DYRK4: variants seen among roughly 807,000 people sequenced by gnomAD.
DYRK4 encodes the protein dual specificity tyrosine-phosphorylation-regulated kinase 4.
A neutral mutation model predicts 68.3 loss-of-function variants in DYRK4; 64 were observed. The observed-to-expected ratio is 0.94, with a 90% CI of 0.77 to 1.15. The LOEUF is 1.15. Ranked by LOEUF, DYRK4 falls within the 50% of genes most tolerant of loss-of-function variation. The pLI, the probability that DYRK4 is intolerant of heterozygous loss-of-function variation, is 0.00. For synonymous variants in DYRK4, 274 were observed against 289.9 expected (o/e 0.95, Z 0.56); for missense variants, 740 against 764.7 (o/e 0.97, Z 0.38).
Position 4,562,261 on chromosome 12 carries a change from C to G in DYRK4, c.16C>G (p.Pro6Ala), listed in dbSNP as rs1023843685. 8 of 1,533,004 alleles carry G rather than the reference C, an allele frequency of 5.2e-6. No homozygotes were observed. The highest frequency in any genetic ancestry group is 7.0e-6 in the Non-Finnish European group (8 of 1,145,600). The allele number at this position is 1,533,004 out of a possible 1,614,324, so 95.0% of individuals were successfully genotyped here. A position where few individuals can be genotyped will look rare whatever the true frequency, so the allele number is the denominator to read the frequency against. Reference sequence around the variant, plus strand: ...CGCCGGCCTCATGCAGCTCCTCCCGCCGCCTATCCGCACCGGAACAAAGTA... The same window carrying G: ...CGCCGGCCTCATGCAGCTCCTCCCGGCGCCTATCCGCACCGGAACAAAGTA... MQLLP[P>A]PIRTGTKTQM... The change falls in exon 1 of 15, where the codon CCG (proline) becomes GCG (alanine). Residue 6 changes from proline (P) to alanine (A), a missense_variant. Physicochemically the swap from Pro to Ala is conservative, Grantham distance 27. Coordinates refer to ENST00000543431, the MANE Select transcript of DYRK4 (RefSeq NM_001394779.1).
chr12:4,605,729 G>GTTTTTTTT lies in DYRK4; in HGVS notation c.1299+662_1299+669dup, dbSNP rs58963826. ...CTCTTAGAAAAATGAATAGAGCTGG[G>GTTTTTTTT]TTTTTTTTTTTTTTTTTTTTTTTTT... On this transcript the variant is annotated intron_variant, in intron 11 of 14. Coordinates refer to ENST00000543431, the MANE Select transcript of DYRK4 (RefSeq NM_001394779.1). Among the ~76,000 whole-genome samples, 234 of 102,060 alleles carry GTTTTTTTT rather than the reference G, an allele frequency of 2.3e-3. 9 individuals are homozygous for GTTTTTTTT. Among genetic ancestry groups the GTTTTTTTT allele is most frequent in the African/African-American group, 7.9e-3 (217 of 27,312 alleles). 67.0% of individuals were successfully genotyped at this position (102,060 alleles called of 152,430 possible).
chr12:4,601,370 T>A (rs1945078131), intron 10 of DYRK4, among the ~76,000 whole-genome samples: 1 of 152,228 alleles, frequency 6.6e-6, no homozygotes, highest in Non-Finnish European at 1.5e-5. Context: ...GAACCTCTCC[T>A]ACAGATTACA....
At chr12:4,574,171 G>A (rs985810045) in intron 2 of DYRK4, among the ~76,000 whole-genome samples, 4 of 150,066 alleles carry the variant, frequency 2.7e-5, no homozygotes, top group Admixed American at 6.7e-5. Flanking sequence ...GTTGCAGTGC[G>A]CCGAGATCGC....
At chr12:4,580,915 G>T (rs960632619) in intron 2 of DYRK4, 2 of 455,384 alleles carry the variant, frequency 4.4e-6, no homozygotes, top group Non-Finnish European at 8.8e-6. Context: ...GTGCCTTTCC[G>T]AAAAGGCTGG....
In DYRK4 at chr12:4,599,173, A is replaced by G; in HGVS notation, c.1044+7A>G. The G allele has an allele frequency of 6.2e-7, 1 of 1,613,198 alleles. No individual in the cohort carries two copies. The highest frequency in any genetic ancestry group is 1.1e-5 in the South Asian group (1 of 91,064). On this transcript the variant is annotated splice_region_variant and intron_variant, in intron 9 of 14. Coordinates refer to ENST00000543431, the MANE Select transcript of DYRK4 (RefSeq NM_001394779.1). ...TCACTGTGATCTCAAGCCCGTGAGT[A>G]CCATCTCCGTCCTGCCATGGACACA...
At chr12:4,607,229 T>C in intron 11 of DYRK4, 98 bp from the exon 12 acceptor site, 1 of 1,365,142 alleles carries the variant, frequency 7.3e-7, no homozygotes, top group African/African-American at 1.4e-5. Flanking sequence ...TGAATCCTTA[T>C]CTGTAGAAGG....
chr12:4,580,986 A>G, intron 2 of DYRK4: 1 of 410,404 alleles, frequency 2.4e-6, no homozygotes. Flanking sequence ...AGGTGAGGAC[A>G]TCCAGCGTTC....
chr12:4,605,285 T>G lies in DYRK4; in HGVS notation c.1299+199T>G, dbSNP rs573053784. The stretch of plus-strand genomic sequence containing the variant: ...CGACATCTAACGTTTTATCATAAAT[T>G]TAAATAGTTGCAGAGGATGTCATTT... On this transcript the variant is annotated intron_variant, in intron 11 of 14. Transcript: ENST00000543431. Among the ~76,000 whole-genome samples the G allele has an allele frequency of 3.3e-5, 5 of 152,364 alleles. No homozygotes were observed. The East Asian group carries it at 9.6e-4, about 29-fold the overall frequency.
At chr12:4,587,368 A>T (rs970560126) in intron 2 of DYRK4, among the ~76,000 whole-genome samples, 2 of 152,092 alleles carry the variant, frequency 1.3e-5, no homozygotes, top group African/African-American at 4.8e-5. Context: ...TCCTGGGCCG[A>T]TTGCATTCAC....
intron 6 of DYRK4, among the ~76,000 whole-genome samples, chr12:4,594,273 G>C (rs1258255716): frequency 6.6e-6 from 1 of 152,130 alleles, no homozygotes; most frequent in Non-Finnish European, 1.5e-5. Context: ...GCCCAGGCTG[G>C]AGTGCAGTGG....
chr12:4,610,496 C>G (rs1165769693), intron 13 of DYRK4: 1 of 434,544 alleles, frequency 2.3e-6, no homozygotes, highest in African/African-American at 2.1e-5. Flanking sequence ...AGATGATTTG[C>G]TCTGTTTTGC....
chr12:4,587,735 A>G (rs1944911766), intron 2 of DYRK4, among the ~76,000 whole-genome samples: 1 of 152,152 alleles, frequency 6.6e-6, no homozygotes, highest in Non-Finnish European at 1.5e-5. Context: ...GTCAAGATTG[A>G]CTGTCCCAAA....
At chr12:4,585,487 A>G (rs1944887011) in intron 2 of DYRK4, among the ~76,000 whole-genome samples, 2 of 152,230 alleles carry the variant, frequency 1.3e-5, no homozygotes, top group South Asian at 2.1e-4. Context: ...AGGGACATGG[A>G]TGAAGCTGGA....
intron 2 of DYRK4, among the ~76,000 whole-genome samples, chr12:4,586,603 C>A (rs1205678946): frequency 1.3e-5 from 2 of 151,978 alleles, no homozygotes; most frequent in Admixed American, 6.6e-5. Flanking sequence ...ACTTGTGTGA[C>A]CTGTGGGTAT....
chr12:4,589,421 G>A (rs911092600), intron 3 of DYRK4, among the ~76,000 whole-genome samples: 5 of 152,038 alleles, frequency 3.3e-5, no homozygotes, highest in African/African-American at 1.2e-4. Flanking sequence ...TCAAACATGA[G>A]GTCTTATTCA....
At position 4,603,049 on chromosome 12, in the gene DYRK4, C is replaced by T. The variant is rs530025708; in HGVS notation, c.1127-1865C>T. Reference sequence around the variant, plus strand: ...GTACAATTTTCTCCATAATGTATCACCTTACTTCCTCATCCTCTTCCTCCT... The same window carrying T: ...GTACAATTTTCTCCATAATGTATCATCTTACTTCCTCATCCTCTTCCTCCT... On this transcript the variant is annotated intron_variant, in intron 10 of 14. Transcript: ENST00000543431. 6.1e-5 allele frequency: 65 copies of T among 1,074,160 alleles called. No individual in the cohort carries two copies. In the East Asian group the frequency reaches 7.1e-4, roughly 12 times the overall value. 66.5% of individuals were successfully genotyped at this position (1,074,160 alleles called of 1,614,324 possible).
At chr12:4,563,085 A>G in intron 1 of DYRK4, 1 of 456,008 alleles carries the variant, frequency 2.2e-6, no homozygotes, top group South Asian at 1.5e-5. Context: ...CAAAAGCAGG[A>G]GGCCATTTAG....
At chr12:4,563,798 A>G (rs1191008813) in intron 1 of DYRK4, among the ~76,000 whole-genome samples, 1 of 152,234 alleles carries the variant, frequency 6.6e-6, no homozygotes, top group Non-Finnish European at 1.5e-5. Flanking sequence ...AGTAGAAAAG[A>G]GATAGATTTG....
chr12:4,596,277 C>T lies in DYRK4; in HGVS notation c.756C>T (p.Asn252=), dbSNP rs1287403675. Residue 252 remains asparagine (N), a synonymous_variant, in exon 7 of 15, where the codon AAC becomes AAT. Coordinates refer to ENST00000543431, the MANE Select transcript of DYRK4 (RefSeq NM_001394779.1). The stretch of plus-strand genomic sequence containing the variant: ...TGGTGGCCCTGAAAATCATCAGGAA[C>T]AAGAAGAGGTGTGGCTTGGGGATGA... ...NELVALKIIR[N]KKRFHQQALM... is the part of the protein sequence containing the mutation. The T allele has an allele frequency of 1.9e-6, 3 of 1,614,022 alleles. No individual in the cohort carries two copies. Among genetic ancestry groups the T allele is most frequent in the Non-Finnish European group, 2.5e-6 (3 of 1,180,034 alleles).
Sources: allele counts gnomAD v4.1 joint callset (sites outside exome capture counted in the v4.1 genomes callset), GRCh38; gene constraint gnomAD v4.1.1; transcripts MANE v1.5; gene names NCBI Gene and HGNC (gene_info 2026-07-23, HGNC 2026-07-21).